Variants in A1CF observed in about 807,000 individuals in gnomAD.
A1CF encodes APOBEC-1 stimulating protein.
In A1CF, 48 loss-of-function variants were observed where a neutral mutation model predicts 68.9. That is an observed-to-expected ratio of 0.70 (90% CI 0.55 to 0.89). The LOEUF is 0.89. Ranked by LOEUF, A1CF falls within the 40% of genes least tolerant of loss-of-function variation. A1CF has a pLI of 0.00. For missense variants in A1CF, 653 were observed against 718.9 expected (o/e 0.91, Z 1.05); for synonymous variants, 272 against 260.4 (o/e 1.04, Z -0.43).
At chr10:50,830,001 T>G (rs1839163428) in intron 6 of A1CF, among the ~76,000 whole-genome samples, 2 of 152,196 alleles carry the variant, frequency 1.3e-5, no homozygotes, top group African/African-American at 2.4e-5. Flanking sequence ...AATGATTAAA[T>G]GAAGCTAATT....
chr10:50,850,688 TG>T, intron 3 of A1CF: 1 of 1,614,028 alleles, frequency 6.2e-7, no homozygotes. Context: ...GTTTGCAAAA[TG>T]ATGGACTGCA....
intron 1 of A1CF, among the ~76,000 whole-genome samples, chr10:50,876,659 A>G (rs931495819): frequency 2.0e-5 from 3 of 151,982 alleles, no homozygotes; most frequent in Non-Finnish European, 4.4e-5. Context: ...TGGAACTTAC[A>G]CTATTGCTTT....
At chr10:50,854,500 C>A (rs898628133) in intron 3 of A1CF, among the ~76,000 whole-genome samples, 4 of 151,888 alleles carry the variant, frequency 2.6e-5, no homozygotes, top group African/African-American at 9.7e-5. Flanking sequence ...ATAATAACAT[C>A]ATTATGTCTA....
chr10:50,808,188 C>T (rs1428466393), intron 12 of A1CF, among the ~76,000 whole-genome samples: 1 of 152,120 alleles, frequency 6.6e-6, no homozygotes, highest in Non-Finnish European at 1.5e-5. Flanking sequence ...TTGTTAAGTG[C>T]CAGGGTGTTT....
intron 3 of A1CF, chr10:50,850,582 CA>C (rs2132488002): frequency 6.5e-7 from 1 of 1,542,100 alleles, no homozygotes; most frequent in East Asian, 2.3e-5. Context: ...AATTAGAAAA[CA>C]AAAAGCATTT....
rs181537708 is a variant in A1CF, at chr10:50,841,885, C to G, written c.342G>C (p.Lys114Asn). Residue 114 changes from lysine (K) to asparagine (N), a missense_variant, in exon 5 of 13, where the codon AAG becomes AAC. By Grantham distance (94) the Lys-to-Asn change is moderately conservative. Coordinates refer to ENST00000373997, the MANE Select transcript of A1CF (RefSeq NM_014576.4). ...ACCTAATTTCATAATTATTAAGTTG[C>G]TTGATTGCATTCTTGGCTTCCACTT... ...SNKVEAKNAI[K>N]QLNNYEIRNG... The G allele has an allele frequency of 2.2e-4, 353 of 1,613,202 alleles. 1 individual carries two copies. Among genetic ancestry groups the G allele is most frequent in the Admixed American group, 1.9e-3 (112 of 59,990 alleles).
chr10:50,875,353 G>A (rs568062983), intron 1 of A1CF, among the ~76,000 whole-genome samples: 6 of 152,174 alleles, frequency 3.9e-5, no homozygotes, highest in East Asian at 3.9e-4. Context: ...ATGAGGACTC[G>A]CCAATAAGAT....
At chr10:50,845,885 T>C (rs947013800) in intron 3 of A1CF, among the ~76,000 whole-genome samples, 12 of 149,776 alleles carry the variant, frequency 8.0e-5, no homozygotes, top group East Asian at 2.0e-4. Context: ...ACCCAGGAAG[T>C]AGAGGTTGCA....
chr10:50,828,308 A>G lies in A1CF; in HGVS notation c.605-13T>C. The G allele has an allele frequency of 6.5e-7, 1 of 1,531,386 alleles. No homozygotes were observed. Among genetic ancestry groups the G allele is most frequent in the Non-Finnish European group, 8.9e-7 (1 of 1,129,280 alleles). 94.9% of individuals were successfully genotyped at this position (1,531,386 alleles called of 1,614,324 possible). ...AACTGAATTCTTCCTGTTGAAAATG[A>G]TCACCATTATGATTAATTATGTAGG... On this transcript the variant is annotated splice_polypyrimidine_tract_variant and intron_variant, in intron 6 of 12. Coordinates refer to ENST00000373997, the MANE Select transcript of A1CF (RefSeq NM_014576.4).
chr10:50,860,002 G>A lies in A1CF; in HGVS notation c.-45-17C>T. ...GGTTGCTCACTGAAACCAAATTTAAGATAAATTAAGTAAATTACTGTTGTC... is the reference window on the plus strand; with the variant it reads ...GGTTGCTCACTGAAACCAAATTTAAAATAAATTAAGTAAATTACTGTTGTC... On this transcript the variant is annotated splice_polypyrimidine_tract_variant and intron_variant, in intron 2 of 12. Transcript: ENST00000373997. 2 of 1,313,310 alleles carry A rather than the reference G, an allele frequency of 1.5e-6. No homozygotes were observed. The highest frequency in any genetic ancestry group is 2.2e-6 in the Non-Finnish European group (2 of 910,938). 81.4% of individuals were successfully genotyped at this position (1,313,310 alleles called of 1,614,324 possible).
At chr10:50,834,765 G>A (rs1201165733) in intron 6 of A1CF, among the ~76,000 whole-genome samples, 11 of 152,072 alleles carry the variant, frequency 7.2e-5, no homozygotes, top group African/African-American at 1.2e-4. Flanking sequence ...TGGAGAAGTC[G>A]GAGGGTGGGG....
rs143433393 is a variant in A1CF, at chr10:50,849,195, A to G, written c.100-5073T>C. 2.7e-3 allele frequency among the ~76,000 whole-genome samples: 417 copies of G among 152,328 alleles called. 2 individuals carry two copies. The highest frequency in any genetic ancestry group is 9.5e-3 in the African/African-American group (395 of 41,580). The stretch of plus-strand genomic sequence containing the variant: ...AGTTTTTGTTGCCTGAGAACAACAC[A>G]CAGTGCTGCAGGGAATATTCATTTC... On this transcript the variant is annotated intron_variant, in intron 3 of 12. Coordinates refer to ENST00000373997, the MANE Select transcript of A1CF (RefSeq NM_014576.4).
In A1CF at chr10:50,881,997, A is replaced by G. The variant is rs577985016; in HGVS notation, c.-94+3584T>C. ...CTTACATATGTTTAAAAGAAATCAA[A>G]TTAGAGCTCTCAAGATACCAGCATA... On this transcript the variant is annotated intron_variant, in intron 1 of 12. Transcript: ENST00000373997. Among the ~76,000 whole-genome samples, 3 of 152,354 alleles carry G rather than the reference A, an allele frequency of 2.0e-5. No individual in the cohort carries two copies. In the South Asian group the frequency reaches 6.2e-4, roughly 32 times the overall value.
chr10:50,884,342 A>C (rs1056730040), intron 1 of A1CF, among the ~76,000 whole-genome samples: 8 of 152,206 alleles, frequency 5.3e-5, no homozygotes, highest in Non-Finnish European at 8.8e-5. Context: ...TAAATAGTAA[A>C]ATAGAACAGT....
intron 1 of A1CF, among the ~76,000 whole-genome samples, chr10:50,866,994 C>T (rs969027789): frequency 6.7e-5 from 10 of 149,158 alleles, no homozygotes; most frequent in Admixed American, 6.0e-4. Context: ...GGATTACAGG[C>T]GTGATCCAAC....
At position 50,860,187 on chromosome 10, in the gene A1CF, A is replaced by T. The variant is rs542418335; in HGVS notation, c.-45-202T>A. On this transcript the variant is annotated intron_variant, in intron 2 of 12. Coordinates refer to ENST00000373997, the MANE Select transcript of A1CF (RefSeq NM_014576.4). ...AAATGCACAATATTGGTTGAAATTT[A>T]GAAACAAAAAAAAATGAACAATACC... Among the ~76,000 whole-genome samples, 53 of 151,682 alleles carry T rather than the reference A, an allele frequency of 3.5e-4. 2 individuals carry two copies. The South Asian group carries it at 9.9e-3, about 28-fold the overall frequency.
rs566191158 is a variant in A1CF, at chr10:50,848,354, C to G, written c.100-4232G>C. ...TGTAGAAAAGACTAGAATAAAGGTC[C>G]TATCATTCTCAATTTGGTGAACTTT... On this transcript the variant is annotated intron_variant, in intron 3 of 12. Coordinates refer to ENST00000373997, the MANE Select transcript of A1CF (RefSeq NM_014576.4). Among the ~76,000 whole-genome samples the G allele has an allele frequency of 1.9e-4, 29 of 152,274 alleles. 1 individual carries two copies. In the South Asian group the frequency reaches 6.0e-3, roughly 32 times the overall value.
intron 8 of A1CF, among the ~76,000 whole-genome samples, chr10:50,817,853 C>A (rs774714947): frequency 1.4e-4 from 22 of 152,170 alleles, no homozygotes; most frequent in Admixed American, 2.6e-4. Flanking sequence ...TTAGATATTT[C>A]CAGAGCTAGG....
At chr10:50,811,894 G>A (rs1267619261) in intron 10 of A1CF, among the ~76,000 whole-genome samples, 1 of 152,118 alleles carries the variant, frequency 6.6e-6, no homozygotes, top group African/African-American at 2.4e-5. Context: ...TTGTCCAGAG[G>A]TCCTGATGCT....
Sources: allele counts gnomAD v4.1 joint callset (sites outside exome capture counted in the v4.1 genomes callset), GRCh38; gene constraint gnomAD v4.1.1; transcripts MANE v1.5; gene names NCBI Gene and HGNC (gene_info 2026-07-23, HGNC 2026-07-21).